GAB1: variants seen among roughly 807,000 people sequenced by gnomAD.
GAB1 encodes GRB2 associated binding protein 1, also known as GRB2-associated-binding protein 1.
Under a neutral mutation model 66.5 loss-of-function variants are expected in GAB1, and 19 were observed. The observed-to-expected ratio is 0.29, with a 90% CI of 0.20 to 0.42. The LOEUF (loss-of-function observed/expected upper bound fraction) is 0.42, where lower values mean the gene tolerates loss of function less well. Ranked by LOEUF, GAB1 falls within the 10% of genes least tolerant of loss-of-function variation. The pLI is 1.00. For missense variants in GAB1, 732 were observed against 858.5 expected, an observed-to-expected ratio of 0.85 and a Z score of 1.84; for synonymous variants, 294 against 301.4, an observed-to-expected ratio of 0.98 and a Z score of 0.25.
rs781539438 is a variant in GAB1 at position 143,460,421 on chromosome 4, C to T, written c.1737C>T (p.Ser579=). 3 of 1,613,300 alleles carry T rather than the reference C, an allele frequency of 1.9e-6. No homozygotes were observed. The highest frequency in any genetic ancestry group is 1.1e-5 in the South Asian group (1 of 91,068). The change falls in exon 8 of 10, where the codon AGC becomes AGT. Residue 579 remains serine (S), a synonymous_variant. Coordinates refer to ENST00000262994, the MANE Select transcript of GAB1 (RefSeq NM_002039.4). ...ATTCAGTGCATAGCACAACTTCAAG[C>T]AGTGACTCACACGACAGTGAAGAGA... is the stretch of plus-strand genomic sequence containing the variant. ...RPDSVHSTTS[S]SDSHDSEENY...
At chr4:143,395,659 A>AATGTTGTT (rs1731409767) in intron 1 of GAB1, 2 of 271,394 alleles carry the variant, frequency 7.4e-6, no homozygotes, top group African/African-American at 4.6e-5. Flanking sequence ...GAGCTTGTAA[A>AATGTTGTT]ATGTTGTTCA....
chr4:143,348,098 G>A (rs561527167), intron 1 of GAB1, among the ~76,000 whole-genome samples: 13 of 152,234 alleles, frequency 8.5e-5, no homozygotes, highest in South Asian at 6.2e-4. Context: ...TTGTGAAATC[G>A]TGAACTCCTT....
intron 1 of GAB1, among the ~76,000 whole-genome samples, chr4:143,341,340 A>G (rs62337489): frequency 0.04 from 6,059 of 152,338 alleles, 127 homozygotes; most frequent in African/African-American, 0.043. Context: ...AATGATGGTG[A>G]AATTTTCATC....
rs1285568399 is a variant in GAB1 at position 143,337,046 on chromosome 4, G to C, written c.-143G>C. 4.5e-6 allele frequency: 3 copies of C among 667,852 alleles called. No individual in the cohort carries two copies. The highest frequency in any genetic ancestry group is 1.9e-5 in the African/African-American group (1 of 52,854). 41.4% of individuals were successfully genotyped at this position (667,852 alleles called of 1,614,324 possible). A position where few individuals can be genotyped will look rare whatever the true frequency, so the allele number is the denominator to read the frequency against. On this transcript the variant is annotated 5_prime_UTR_variant, in exon 1 of 10. Coordinates refer to ENST00000262994, the MANE Select transcript of GAB1 (RefSeq NM_002039.4). ...CGAACTCGTGGAACCCGCGCACCGT[G>C]GAGTCTGTCCGCCCAGTCCGTCCGG... is the stretch of plus-strand genomic sequence containing the variant.
chr4:143,421,076 T>A (rs546831921), intron 2 of GAB1, among the ~76,000 whole-genome samples: 71 of 152,202 alleles, frequency 4.7e-4, no homozygotes, highest in Admixed American at 1.4e-3. Flanking sequence ...AGTTTTCTCA[T>A]GCCTCTTTCC....
chr4:143,384,224 GC>G (rs1730790537), intron 1 of GAB1, among the ~76,000 whole-genome samples: 6 of 152,166 alleles, frequency 3.9e-5, no homozygotes, highest in Admixed American at 3.3e-4. Flanking sequence ...ATTCTTTGCT[GC>G]ATTTCTATAA....
intron 1 of GAB1, among the ~76,000 whole-genome samples, chr4:143,400,891 C>CCTGGGAGGCAGAGGTTGCAGTGAG (rs1452367533): frequency 2.0e-5 from 3 of 151,544 alleles, no homozygotes; most frequent in African/African-American, 4.9e-5. Context: ...ATCACTTGAA[C>CCTGGGAGGCAGAGGTTGCAGTGAG]CTGGGAGGCA....
At chr4:143,459,754 ATTAC>A (rs1263301347) in intron 7 of GAB1, among the ~76,000 whole-genome samples, 1 of 152,176 alleles carries the variant, frequency 6.6e-6, no homozygotes, top group Non-Finnish European at 1.5e-5. Flanking sequence ...GTATTTGTGT[ATTAC>A]TTACGTTTTA....
At chr4:143,374,006 A>G (rs1730302352) in intron 1 of GAB1, among the ~76,000 whole-genome samples, 1 of 151,680 alleles carries the variant, frequency 6.6e-6, no homozygotes, top group African/African-American at 2.4e-5. Flanking sequence ...ATGTAAGACT[A>G]CAGTGGGTTT....
intron 1 of GAB1, 28 bp from the exon 2 acceptor site, chr4:143,415,449 T>C (rs776785785): frequency 2.6e-6 from 4 of 1,543,370 alleles, no homozygotes; most frequent in Admixed American, 3.8e-5. Flanking sequence ...AAGTTAATAC[T>C]GAATGGATAT....
chr4:143,451,011 A>C (rs1306415928), intron 6 of GAB1, among the ~76,000 whole-genome samples: 1 of 152,206 alleles, frequency 6.6e-6, no homozygotes, highest in Non-Finnish European at 1.5e-5. Context: ...TACAGGATAT[A>C]AATTCTCCAA....
Position 143,410,410 on chromosome 4 carries a change from AG to A in GAB1, c.73-5066del. 2.6e-5 allele frequency among the ~76,000 whole-genome samples: 4 copies of A among 152,332 alleles called. No homozygotes were observed. The South Asian group carries it at 8.3e-4, about 32-fold the overall frequency. ...TATAGGCAAAATTTGTGAATTTGTT[AG>A]TAATATTACAGCCATTAATGGCTTG... On this transcript the variant is annotated intron_variant, in intron 1 of 9. Coordinates refer to ENST00000262994, the MANE Select transcript of GAB1 (RefSeq NM_002039.4).
chr4:143,369,510 T>G (rs1374401194), intron 1 of GAB1, among the ~76,000 whole-genome samples: 1 of 152,248 alleles, frequency 6.6e-6, no homozygotes, highest in Non-Finnish European at 1.5e-5. Flanking sequence ...AATATCCTGT[T>G]GCTCTAGTAA....
chr4:143,457,144 G>T (rs971894283), intron 6 of GAB1, among the ~76,000 whole-genome samples: 2 of 152,190 alleles, frequency 1.3e-5, no homozygotes, highest in Non-Finnish European at 2.9e-5. Flanking sequence ...TTCTCTAGAA[G>T]AGTCTTGTTC....
chr4:143,425,552 C>G (rs1733301155), intron 2 of GAB1: 7 of 762,954 alleles, frequency 9.2e-6, no homozygotes, highest in African/African-American at 1.7e-5. Context: ...AGGGAGCTCA[C>G]TCCGTGGGTT....
chr4:143,340,224 AT>A (rs1728783649), intron 1 of GAB1, among the ~76,000 whole-genome samples: 1 of 151,978 alleles, frequency 6.6e-6, no homozygotes, highest in African/African-American at 2.4e-5. Flanking sequence ...TAGAATGTTT[AT>A]TTTTCTGGAT....
intron 6 of GAB1, among the ~76,000 whole-genome samples, chr4:143,446,620 T>G (rs563318411): frequency 6.6e-6 from 1 of 152,198 alleles, no homozygotes; most frequent in Non-Finnish European, 1.5e-5. Flanking sequence ...TCATATCCTT[T>G]GCCCACTTTT....
At chr4:143,405,256 G>A (rs1397526) in intron 1 of GAB1, among the ~76,000 whole-genome samples, 73,406 of 151,628 alleles carry the variant, frequency 0.48, 18,139 homozygotes, top group South Asian at 0.62. Flanking sequence ...CTATGTAACT[G>A]TGTATATATA....
intron 8 of GAB1, among the ~76,000 whole-genome samples, chr4:143,461,703 A>G (rs1368244028): frequency 6.6e-6 from 1 of 152,208 alleles, no homozygotes; most frequent in Non-Finnish European, 1.5e-5. Flanking sequence ...TTGAGGGACA[A>G]TCAGACCATA....
Sources: allele counts gnomAD v4.1 joint callset (sites outside exome capture counted in the v4.1 genomes callset), GRCh38; gene constraint gnomAD v4.1.1; transcripts MANE v1.5; gene names NCBI Gene and HGNC (gene_info 2026-07-23, HGNC 2026-07-21).